Variants in PTPRG observed in about 807,000 individuals in gnomAD.
PTPRG encodes protein tyrosine phosphatase receptor type G.
A neutral mutation model predicts 165.3 loss-of-function variants in PTPRG; 102 were observed. The observed-to-expected ratio is 0.62, with a 90% CI of 0.53 to 0.73. The LOEUF is 0.73. PTPRG is among the 30% of genes least tolerant of loss of function. The pLI is 0.00. For missense variants in PTPRG, 1,866 were observed against 1,861.4 expected (o/e 1.00, Z -0.05); for synonymous variants, 675 against 669.5 (o/e 1.01, Z -0.13).
intron 4 of PTPRG, among the ~76,000 whole-genome samples, chr3:62,033,230 T>C (rs1413630927): frequency 6.6e-6 from 1 of 152,148 alleles, no homozygotes; most frequent in Non-Finnish European, 1.5e-5. Flanking sequence ...TTTGTCCTAC[T>C]TCTGAGAAGA....
chr3:61,728,874 CAAA>C (rs3032404), intron 1 of PTPRG, among the ~76,000 whole-genome samples: 107 of 102,980 alleles, frequency 1.0e-3, no homozygotes, highest in African/African-American at 1.8e-3. Context: ...TAATCTGTAC[CAAA>C]AAAAAAAAAA....
intron 2 of PTPRG, among the ~76,000 whole-genome samples, chr3:61,884,319 G>A (rs1314241953): frequency 1.3e-5 from 2 of 152,216 alleles, no homozygotes; most frequent in African/African-American, 2.4e-5. Context: ...TGGTATACCA[G>A]CTCGGTGAAA....
intron 2 of PTPRG, among the ~76,000 whole-genome samples, chr3:61,917,225 A>T (rs763821713): frequency 6.6e-6 from 1 of 152,012 alleles, no homozygotes. Flanking sequence ...ACGTTCCACA[A>T]ACCTCCTGCC....
intron 5 of PTPRG, among the ~76,000 whole-genome samples, chr3:62,098,534 C>T (rs1222968096): frequency 1.3e-5 from 2 of 152,206 alleles, no homozygotes; most frequent in East Asian, 3.9e-4. Context: ...CCACCCTCCA[C>T]CTTGGCCCCA....
chr3:61,803,006 C>A (rs2035295432), intron 2 of PTPRG, among the ~76,000 whole-genome samples: 1 of 152,172 alleles, frequency 6.6e-6, no homozygotes, highest in Non-Finnish European at 1.5e-5. Context: ...GCACACAGGC[C>A]AAATTCAGCT....
chr3:61,625,337 C>T (rs1320707603), intron 1 of PTPRG, among the ~76,000 whole-genome samples: 2 of 152,062 alleles, frequency 1.3e-5, no homozygotes, highest in East Asian at 1.9e-4. Flanking sequence ...AAATCAAATA[C>T]TTCTTCATGA....
Position 62,294,186 on chromosome 3 carries a change from C to A in PTPRG, c.*879C>A, listed in dbSNP as rs575409937. On this transcript the variant is annotated 3_prime_UTR_variant, in exon 30 of 30. Coordinates refer to ENST00000474889, the MANE Select transcript of PTPRG (RefSeq NM_002841.4). The stretch of plus-strand genomic sequence containing the variant: ...ATGCTTCTTAGTTTGTAATACCATA[C>A]CTCACAGTAGGTAGAAGAATGAAAA... 1 of 152,136 alleles carries A rather than the reference C, an allele frequency of 6.6e-6. No homozygotes were observed. Among genetic ancestry groups the A allele is most frequent in the East Asian group, 1.9e-4 (1 of 5,178 alleles). 9.4% of individuals were successfully genotyped at this position (152,136 alleles called of 1,614,324 possible). A position where few individuals can be genotyped will look rare whatever the true frequency, so the allele number is the denominator to read the frequency against.
At chr3:61,985,594 A>G (rs867130801) in intron 2 of PTPRG, among the ~76,000 whole-genome samples, 19 of 152,204 alleles carry the variant, frequency 1.2e-4, no homozygotes, top group African/African-American at 4.1e-4. Flanking sequence ...AAATTGTCCA[A>G]GGGAACTGGG....
At chr3:62,053,036 C>G (rs1298493180) in intron 4 of PTPRG, among the ~76,000 whole-genome samples, 1 of 152,094 alleles carries the variant, frequency 6.6e-6, no homozygotes, top group Non-Finnish European at 1.5e-5. Context: ...CTCTTGAATC[C>G]ATTCGCTTTT....
chr3:62,055,048 GAATTAT>G (rs1156328930), intron 4 of PTPRG, among the ~76,000 whole-genome samples: 2 of 152,264 alleles, frequency 1.3e-5, no homozygotes, highest in African/African-American at 4.8e-5. Context: ...TTTTCAGGTA[GAATTAT>G]ATCTCAAGTT....
At chr3:62,105,637 G>A (rs7612781) in intron 5 of PTPRG, among the ~76,000 whole-genome samples, 1 of 152,138 alleles carries the variant, frequency 6.6e-6, no homozygotes, top group Non-Finnish European at 1.5e-5. Context: ...GCCTCTGGGT[G>A]CGTAAGAAAT....
intron 1 of PTPRG, among the ~76,000 whole-genome samples, chr3:61,739,666 C>T (rs548830998): frequency 6.6e-6 from 1 of 152,242 alleles, no homozygotes; most frequent in African/African-American, 2.4e-5. Flanking sequence ...TTACATGAGC[C>T]TGTGTATTGA....
At chr3:62,167,621 G>T (rs959852286) in intron 7 of PTPRG, among the ~76,000 whole-genome samples, 1 of 152,124 alleles carries the variant, frequency 6.6e-6, no homozygotes, top group South Asian at 2.1e-4. Flanking sequence ...CAGTTTGACC[G>T]TGACCCTATG....
At position 61,737,497 on chromosome 3, in the gene PTPRG, G is replaced by C. The variant is rs376163435; in HGVS notation, c.86-11381G>C. 1.5e-4 allele frequency among the ~76,000 whole-genome samples: 23 copies of C among 152,228 alleles called. No homozygotes were observed. The East Asian group carries it at 1.9e-3, about 13-fold the overall frequency. ...CTACTTAAGCAGATGGTGGGTGTTGGAGGTGGAGTACATAGTTTGCTGACC... is the reference window on the plus strand; with the variant it reads ...CTACTTAAGCAGATGGTGGGTGTTGCAGGTGGAGTACATAGTTTGCTGACC... On this transcript the variant is annotated intron_variant, in intron 1 of 29. Coordinates refer to ENST00000474889, the MANE Select transcript of PTPRG (RefSeq NM_002841.4).
chr3:61,595,038 T>C (rs1461315776), intron 1 of PTPRG, among the ~76,000 whole-genome samples: 2 of 152,202 alleles, frequency 1.3e-5, no homozygotes, highest in Non-Finnish European at 2.9e-5. Flanking sequence ...CTGATCTGTT[T>C]ATTTACAGAT....
At chr3:61,916,778 A>T (rs957432109) in intron 2 of PTPRG, among the ~76,000 whole-genome samples, 38 of 152,236 alleles carry the variant, frequency 2.5e-4, no homozygotes, top group Non-Finnish European at 3.7e-4. Flanking sequence ...ACACTGAGGT[A>T]TAGGAATATT....
chr3:62,124,372 C>T, intron 5 of PTPRG: 2 of 1,612,922 alleles, frequency 1.2e-6, no homozygotes, highest in Non-Finnish European at 1.7e-6. Context: ...GATGCAAGTC[C>T]AGGGTGATCT....
At chr3:62,172,209 T>A (rs924904083) in intron 8 of PTPRG, among the ~76,000 whole-genome samples, 1 of 152,234 alleles carries the variant, frequency 6.6e-6, no homozygotes, top group Non-Finnish European at 1.5e-5. Context: ...TTTGTGAGCA[T>A]CCATGTCCAA....
intron 1 of PTPRG, among the ~76,000 whole-genome samples, chr3:61,635,753 C>T (rs2106940153): frequency 6.6e-6 from 1 of 152,206 alleles, no homozygotes; most frequent in East Asian, 1.9e-4. Flanking sequence ...GGATTTGATT[C>T]CAGGTAGCCT....
Sources: gnomAD v4.1 joint callset for allele counts (sites outside exome capture counted in the v4.1 genomes callset) on GRCh38, gnomAD v4.1.1 for gene constraint, MANE v1.5 for transcripts, NCBI Gene and HGNC (gene_info 2026-07-23, HGNC 2026-07-21) for gene names.